Variants in KCNJ6 observed in about 807,000 individuals in gnomAD.
KCNJ6 encodes the protein G protein-activated inward rectifier potassium channel 2.
A neutral mutation model predicts 34.2 loss-of-function variants in KCNJ6; 9 were observed. The observed-to-expected ratio is 0.26, with a 90% confidence interval of 0.16 to 0.46. The LOEUF is 0.46. Among genes scored for constraint, KCNJ6 ranks in the 20% least tolerant of loss-of-function variants. The probability of loss-of-function intolerance (pLI) is 1.00; values close to 1 mark genes in which losing one functional copy is unlikely to be tolerated. For synonymous variants in KCNJ6, 196 were observed against 207.1 expected, an observed-to-expected ratio of 0.95 and a Z score of 0.46; for missense variants, 236 against 531.3, an observed-to-expected ratio of 0.44 and a Z score of 5.46.
At chr21:37,842,394 T>C (rs1273382840) in intron 1 of KCNJ6, among the ~76,000 whole-genome samples, 4 of 152,192 alleles carry the variant, frequency 2.6e-5, no homozygotes, top group Non-Finnish European at 5.9e-5. Context: ...TCATTATTCA[T>C]CCTCCTTATG....
intron 1 of KCNJ6, among the ~76,000 whole-genome samples, chr21:37,867,857 G>A (rs1449019585): frequency 4.6e-5 from 7 of 152,240 alleles, no homozygotes; most frequent in Non-Finnish European, 7.3e-5. Flanking sequence ...GATATTAATG[G>A]TACCTTGCAC....
At chr21:37,729,220 A>G (rs1434993098) in intron 2 of KCNJ6, among the ~76,000 whole-genome samples, 1 of 152,076 alleles carries the variant, frequency 6.6e-6, no homozygotes, top group East Asian at 1.9e-4. Flanking sequence ...TTGGCTGCCC[A>G]TGGCATATGG....
rs2054661252 is a variant in KCNJ6 at position 37,695,875 on chromosome 21, T to C, written c.946+18336A>G. Among the ~76,000 whole-genome samples the C allele has an allele frequency of 6.6e-6, 1 of 152,212 alleles. No individual in the cohort carries two copies. The highest frequency in any genetic ancestry group is 2.4e-5 in the African/African-American group (1 of 41,462). Reference sequence around the variant, plus strand: ...GTCCAAGGTGAGCCTGTAACATCTTTTTGTGCCAGAAAAAAGGAAGAACAC... The same window carrying C: ...GTCCAAGGTGAGCCTGTAACATCTTCTTGTGCCAGAAAAAAGGAAGAACAC... On this transcript the variant is annotated intron_variant, in intron 3 of 3. Transcript: ENST00000609713. The surrounding 1 kb of genome is among the most constrained non-coding windows in gnomAD (Gnocchi z 4.2).
chr21:37,724,825 C>T (rs2054845746), intron 2 of KCNJ6, among the ~76,000 whole-genome samples: 1 of 151,730 alleles, frequency 6.6e-6, no homozygotes, highest in Admixed American at 6.6e-5. Context: ...CAACTGATTG[C>T]CCTCCTGGAA....
At position 37,621,869 on chromosome 21, in the gene KCNJ6, A is replaced by T. The variant is rs959673076; in HGVS notation, c.*3290T>A. 9 of 152,266 alleles carry T rather than the reference A, an allele frequency of 5.9e-5. No homozygotes were observed. The highest frequency in any genetic ancestry group is 1.9e-4 in the African/African-American group (8 of 41,462). The allele number at this position is 152,266 out of a possible 1,614,324, so 9.4% of individuals were successfully genotyped here. A position where few individuals can be genotyped will look rare whatever the true frequency, so the allele number is the denominator to read the frequency against. ...AGAAAAGTTGACATTTGCTATGTTA[A>T]TGTAAAAGAGTATAGCTTACCCAGG... On this transcript the variant is annotated 3_prime_UTR_variant, in exon 4 of 4. Transcript: ENST00000609713.
At chr21:37,797,550 T>C (rs1313015667) in intron 2 of KCNJ6, among the ~76,000 whole-genome samples, 1 of 152,158 alleles carries the variant, frequency 6.6e-6, no homozygotes, top group Non-Finnish European at 1.5e-5. Context: ...AATGAAAACA[T>C]GACAGTGACA....
intron 2 of KCNJ6, among the ~76,000 whole-genome samples, chr21:37,825,488 GCACTCAATACCT>G (rs1445518036): frequency 6.6e-6 from 1 of 152,090 alleles, no homozygotes; most frequent in African/African-American, 2.4e-5. Flanking sequence ...TCCTTGTCTA[GCACTCAATACCT>G]CACTCGATCC....
At chr21:37,869,630 G>T (rs1343826060) in intron 1 of KCNJ6, among the ~76,000 whole-genome samples, 1 of 152,214 alleles carries the variant, frequency 6.6e-6, no homozygotes, top group Non-Finnish European at 1.5e-5. Flanking sequence ...CTGATTTGAA[G>T]GAAGTAGACA....
At chr21:37,875,913 G>A (rs1264142003) in intron 1 of KCNJ6, among the ~76,000 whole-genome samples, 1 of 152,204 alleles carries the variant, frequency 6.6e-6, no homozygotes, top group Non-Finnish European at 1.5e-5. Flanking sequence ...AAGTTGAAAA[G>A]TAATTTGTAA....
At chr21:37,679,798 AC>A (rs2054582779) in intron 3 of KCNJ6, among the ~76,000 whole-genome samples, 1 of 152,204 alleles carries the variant, frequency 6.6e-6, no homozygotes, top group Admixed American at 6.5e-5. Context: ...CCTCAGGGCC[AC>A]CTTTTGTATG....
intron 3 of KCNJ6, among the ~76,000 whole-genome samples, chr21:37,625,736 C>T (rs1464103171): frequency 1.3e-5 from 2 of 152,226 alleles, no homozygotes; most frequent in East Asian, 1.9e-4. Flanking sequence ...CCTGCATGGC[C>T]ATGCACATGC....
intron 2 of KCNJ6, among the ~76,000 whole-genome samples, chr21:37,724,357 C>T (rs1378599829): frequency 6.6e-6 from 1 of 152,126 alleles, no homozygotes; most frequent in Non-Finnish European, 1.5e-5. Flanking sequence ...ACAACACGCA[C>T]AACTATTACT....
chr21:37,826,611 T>TA (rs5843867), intron 2 of KCNJ6, among the ~76,000 whole-genome samples: 186 of 147,046 alleles, frequency 1.3e-3, no homozygotes, highest in South Asian at 0.012. Flanking sequence ...TCCAATTTAT[T>TA]AAAAAAAAAA....
chr21:37,861,498 T>C (rs1290194958), intron 1 of KCNJ6, among the ~76,000 whole-genome samples: 2 of 152,204 alleles, frequency 1.3e-5, no homozygotes, highest in Admixed American at 6.5e-5. Context: ...AGTCCCATTC[T>C]GAGGTACTGG....
chr21:37,827,027 TGAA>T (rs1420194367), intron 2 of KCNJ6, among the ~76,000 whole-genome samples: 1 of 152,172 alleles, frequency 6.6e-6, no homozygotes, highest in East Asian at 1.9e-4. Flanking sequence ...AGGAGATTAT[TGAA>T]GAGTCAGGGC....
At position 37,714,269 on chromosome 21, in the gene KCNJ6, C is replaced by T. The variant is rs1259709882; in HGVS notation, c.888G>A (p.Gln296=). 2 of 1,614,022 alleles carry T rather than the reference C, an allele frequency of 1.2e-6. No individual in the cohort carries two copies. The highest frequency in any genetic ancestry group is 1.7e-6 in the Non-Finnish European group (2 of 1,180,008). The change falls in exon 3 of 4, where the codon CAG becomes CAA. Residue 296 remains glutamine, a synonymous_variant. Transcript: ENST00000609713. The surrounding 1 kb of genome is among the most constrained non-coding windows in gnomAD (Gnocchi z 5.9). ...CAATTTCCAGTTCCTCTTTGGGCAG[C>T]TGGGCTTTGGAGATCTCCCAGAAAG... is the stretch of plus-strand genomic sequence containing the variant. The part of the protein sequence containing the change: ...QSPFWEISKA[Q]LPKEELEIVV...
chr21:37,667,857 C>T (rs1242659708), intron 3 of KCNJ6, among the ~76,000 whole-genome samples: 2 of 152,072 alleles, frequency 1.3e-5, no homozygotes, highest in Admixed American at 6.5e-5. Context: ...AGGTCCATCT[C>T]GTGCAGTTGG....
intron 1 of KCNJ6, among the ~76,000 whole-genome samples, chr21:37,899,865 A>C (rs1201813788): frequency 6.6e-6 from 1 of 152,224 alleles, no homozygotes; most frequent in Non-Finnish European, 1.5e-5. Context: ...GTAGCATATG[A>C]GTTCCACTAT....
At position 37,660,366 on chromosome 21, in the gene KCNJ6, C is replaced by T. The variant is rs2054482586; in HGVS notation, c.947-34882G>A. Among the ~76,000 whole-genome samples, 4 of 152,172 alleles carry T rather than the reference C, an allele frequency of 2.6e-5. No homozygotes were observed. In the South Asian group the frequency reaches 8.3e-4, roughly 32 times the overall value. On this transcript the variant is annotated intron_variant, in intron 3 of 3. Transcript: ENST00000609713. ...CCCTTCTAATAGTGGCATCATGTGC[C>T]CCAGGCTGGCTTCGGGGCTCTCCTT...
Sources: gnomAD v4.1 joint callset for allele counts (sites outside exome capture counted in the v4.1 genomes callset) on GRCh38, gnomAD v4.1.1 for gene constraint, Gnocchi (gnomAD v3.1) non-coding constraint, MANE v1.5 for transcripts, NCBI Gene and HGNC (gene_info 2026-07-23, HGNC 2026-07-21) for gene names.